Variants in HPSE2 observed in about 807,000 individuals in gnomAD.
The protein encoded by HPSE2 is heparanase 2 (inactive).
A neutral mutation model predicts 60.5 loss-of-function variants in HPSE2; 38 were observed. The ratio of observed to expected loss-of-function variants is 0.63; its 90% confidence interval spans 0.48 to 0.82. The LOEUF is 0.82. HPSE2 is among the 40% of genes least tolerant of loss of function. HPSE2 has a pLI of 0.00. For synonymous variants in HPSE2, 295 were observed against 293.2 expected (o/e 1.01, Z -0.06); for missense variants, 713 against 740.4 (o/e 0.96, Z 0.43).
At chr10:98,921,037 TA>T (rs1954268390) in intron 3 of HPSE2, among the ~76,000 whole-genome samples, 1 of 152,196 alleles carries the variant, frequency 6.6e-6, no homozygotes, top group Non-Finnish European at 1.5e-5. Flanking sequence ...TCTGTACTCC[TA>T]CACACTTGCA....
intron 3 of HPSE2, among the ~76,000 whole-genome samples, chr10:99,018,386 A>G (rs565317917): frequency 1.8e-4 from 27 of 152,352 alleles, no homozygotes; most frequent in Admixed American, 7.2e-4. Context: ...TTCTCTCCCA[A>G]TCCTGAAGTT....
chr10:98,526,437 C>T (rs1176206263), intron 9 of HPSE2, among the ~76,000 whole-genome samples: 3 of 152,178 alleles, frequency 2.0e-5, no homozygotes. Flanking sequence ...GGTTACAACA[C>T]CAACTCCTAT....
chr10:98,791,077 T>C (rs1950644987), intron 3 of HPSE2, among the ~76,000 whole-genome samples: 1 of 152,216 alleles, frequency 6.6e-6, no homozygotes, highest in Non-Finnish European at 1.5e-5. Context: ...ATAAATATTC[T>C]GCAAATTTTT....
chr10:98,628,158 A>G (rs1447640084), intron 7 of HPSE2, among the ~76,000 whole-genome samples: 1 of 152,212 alleles, frequency 6.6e-6, no homozygotes, highest in Non-Finnish European at 1.5e-5. Flanking sequence ...CTGAGTATTT[A>G]CTGTTTGGGG....
At chr10:99,159,146 AAAAG>A (rs1846716461) in intron 2 of HPSE2, among the ~76,000 whole-genome samples, 1 of 152,176 alleles carries the variant, frequency 6.6e-6, no homozygotes, top group Non-Finnish European at 1.5e-5. Flanking sequence ...GCAAGCAAAA[AAAAG>A]AAAAAAAGGA....
At chr10:99,208,620 G>T (rs2133902790) in intron 2 of HPSE2, among the ~76,000 whole-genome samples, 1 of 152,028 alleles carries the variant, frequency 6.6e-6, no homozygotes, top group African/African-American at 2.4e-5. Flanking sequence ...AGCAGGTCGA[G>T]GCTGCAGTCA....
chr10:98,470,781 C>T (rs1287568963), intron 11 of HPSE2, among the ~76,000 whole-genome samples: 1 of 152,172 alleles, frequency 6.6e-6, no homozygotes, highest in East Asian at 1.9e-4. Context: ...CAACGAGGGT[C>T]CCTAAGTGAG....
intron 9 of HPSE2, among the ~76,000 whole-genome samples, chr10:98,509,909 C>G (rs1422144132): frequency 2.6e-5 from 4 of 152,038 alleles, no homozygotes; most frequent in Non-Finnish European, 5.9e-5. Context: ...CCCCTCCTAT[C>G]CCAACCTCAG....
intron 3 of HPSE2, among the ~76,000 whole-genome samples, chr10:98,756,640 A>G (rs1949884741): frequency 6.6e-6 from 1 of 152,182 alleles, no homozygotes; most frequent in African/African-American, 2.4e-5. Context: ...GAAACCCTGA[A>G]CAGACCAATA....
intron 3 of HPSE2, among the ~76,000 whole-genome samples, chr10:98,795,342 G>T (rs994609342): frequency 7.9e-5 from 12 of 152,156 alleles, no homozygotes; most frequent in Admixed American, 2.0e-4. Flanking sequence ...CAGCCTTACG[G>T]CACGGAAAGT....
rs556548295 is a variant in HPSE2 at position 98,931,011 on chromosome 10, G to A, written c.611-186955C>T. On this transcript the variant is annotated intron_variant, in intron 3 of 11. Coordinates refer to ENST00000370552, the MANE Select transcript of HPSE2 (RefSeq NM_021828.5). ...GTCAATTTTTGTTTTTGTTGCAATTGCTTTTGGAGATTTCTTCATAAAGTC... is the reference window on the plus strand; with the variant it reads ...GTCAATTTTTGTTTTTGTTGCAATTACTTTTGGAGATTTCTTCATAAAGTC... 3.5e-5 allele frequency among the ~76,000 whole-genome samples: 5 copies of A among 143,944 alleles called. 1 individual carries two copies. Among genetic ancestry groups the A allele is most frequent in the African/African-American group, 5.6e-5 (2 of 35,474 alleles). 94.4% of individuals were successfully genotyped at this position (143,944 alleles called of 152,430 possible). A position where few individuals can be genotyped will look rare whatever the true frequency, so the allele number is the denominator to read the frequency against.
At chr10:99,268,747 G>A in the HPSE2 span, among the ~76,000 whole-genome samples, 2 of 151,752 alleles carry the variant, frequency 1.3e-5, no homozygotes, top group Admixed American at 6.6e-5. Context: ...AAATAACAAG[G>A]TATTCAGGCA....
chr10:98,564,509 C>G (rs1944282147), intron 9 of HPSE2, among the ~76,000 whole-genome samples: 1 of 152,176 alleles, frequency 6.6e-6, no homozygotes, highest in Non-Finnish European at 1.5e-5. Flanking sequence ...TCCAAACTTA[C>G]AGTATTTCTT....
At chr10:98,895,570 A>G (rs1442875033) in intron 3 of HPSE2, among the ~76,000 whole-genome samples, 2 of 152,178 alleles carry the variant, frequency 1.3e-5, no homozygotes, top group African/African-American at 4.8e-5. Flanking sequence ...TACTCTGTCA[A>G]CCAAAGGAAC....
the HPSE2 span, among the ~76,000 whole-genome samples, chr10:99,310,978 C>G: frequency 1.3e-4 from 20 of 152,210 alleles, no homozygotes; most frequent in Non-Finnish European, 2.8e-4. Flanking sequence ...ATTTTTATTT[C>G]TCCTATAACA....
intron 3 of HPSE2, among the ~76,000 whole-genome samples, chr10:98,785,729 A>G (rs1950556493): frequency 7.6e-6 from 1 of 130,950 alleles, no homozygotes; most frequent in Admixed American, 7.8e-5. Context: ...GTTTATTTGC[A>G]TAGAGGTGTT....
intron 3 of HPSE2, 70 bp downstream of exon 3, chr10:99,144,168 A>C: frequency 7.1e-7 from 1 of 1,403,704 alleles, no homozygotes; most frequent in Non-Finnish European, 1.0e-6. Flanking sequence ...GTAGACAGAC[A>C]GATGTGTACC....
At chr10:98,686,332 A>G (rs945693145) in intron 6 of HPSE2, among the ~76,000 whole-genome samples, 1 of 152,076 alleles carries the variant, frequency 6.6e-6, no homozygotes, top group African/African-American at 2.4e-5. Flanking sequence ...ACAAATTTTG[A>G]TATATTGTAT....
At chr10:99,099,326 T>C (rs954258422) in intron 3 of HPSE2, among the ~76,000 whole-genome samples, 1 of 152,218 alleles carries the variant, frequency 6.6e-6, no homozygotes, top group African/African-American at 2.4e-5. Flanking sequence ...TCTTAGCAAA[T>C]GGCACACCAG....
Sources: allele counts gnomAD v4.1 joint callset (sites outside exome capture counted in the v4.1 genomes callset), GRCh38; gene constraint gnomAD v4.1.1; transcripts MANE v1.5; gene names NCBI Gene and HGNC (gene_info 2026-07-23, HGNC 2026-07-21).